Variants in UBE2D1 observed in about 807,000 individuals in gnomAD.
UBE2D1 encodes the protein ubiquitin-conjugating enzyme E2 D1.
UBE2D1 carries 9 observed loss-of-function variants against 24.6 expected under a neutral mutation model. That is an observed-to-expected ratio of 0.37 (90% CI 0.22 to 0.64). UBE2D1 has a LOEUF of 0.64. Ranked by LOEUF, UBE2D1 falls within the 30% of genes least tolerant of loss-of-function variation. The pLI is 0.64. For missense variants in UBE2D1, 87 were observed against 177.1 expected (o/e 0.49, Z 2.89); for synonymous variants, 57 against 57.6 (o/e 0.99, Z 0.04).
intron 1 of UBE2D1, among the ~76,000 whole-genome samples, chr10:58,353,742 T>C (rs905642861): frequency 2.6e-5 from 4 of 152,216 alleles, no homozygotes; most frequent in African/African-American, 7.2e-5. Context: ...CACCATAGTG[T>C]TTTCAAGTGA....
chr10:58,349,754 G>A (rs894772396), intron 1 of UBE2D1, among the ~76,000 whole-genome samples: 1 of 152,056 alleles, frequency 6.6e-6, no homozygotes, highest in African/African-American at 2.4e-5. Context: ...CCAGCACCCA[G>A]CTCAAGAAAT....
At chr10:58,342,923 G>A (rs370090647) in intron 1 of UBE2D1, among the ~76,000 whole-genome samples, 201 of 150,178 alleles carry the variant, frequency 1.3e-3, no homozygotes, top group African/African-American at 4.6e-3. Flanking sequence ...TCTGCTTCCT[G>A]GGTTCAAGCA....
At chr10:58,368,626 G>A (rs913389541) in intron 6 of UBE2D1, 94 bp from the exon 7 acceptor site, 3 of 740,528 alleles carry the variant, frequency 4.1e-6, no homozygotes, top group East Asian at 6.3e-5. Flanking sequence ...TTGCAATTAA[G>A]TATAAGAAGG....
intron 1 of UBE2D1, among the ~76,000 whole-genome samples, chr10:58,340,764 G>A (rs773008744): frequency 2.0e-5 from 3 of 152,106 alleles, no homozygotes; most frequent in Non-Finnish European, 4.4e-5. Context: ...TTTTTAAAAC[G>A]GGAAGTAGAA....
intron 1 of UBE2D1, among the ~76,000 whole-genome samples, chr10:58,344,018 CTATT>C (rs1489726643): frequency 1.3e-5 from 2 of 151,952 alleles, no homozygotes; most frequent in African/African-American, 2.4e-5. Flanking sequence ...TGTGAAAATT[CTATT>C]TATTTAAGTT....
At chr10:58,353,452 C>T (rs1269073593) in intron 1 of UBE2D1, among the ~76,000 whole-genome samples, 1 of 152,146 alleles carries the variant, frequency 6.6e-6, no homozygotes, top group African/African-American at 2.4e-5. Context: ...CAGCTCAGCA[C>T]AAACCCCTAA....
chr10:58,359,881 A>T (rs970330933), intron 1 of UBE2D1, among the ~76,000 whole-genome samples: 9 of 152,192 alleles, frequency 5.9e-5, no homozygotes, highest in African/African-American at 2.2e-4. Context: ...CCTGTGATAG[A>T]TAGGCCCTTC....
At chr10:58,363,218 C>CA (rs145649174) in intron 3 of UBE2D1, among the ~76,000 whole-genome samples, 1 of 151,410 alleles carries the variant, frequency 6.6e-6, no homozygotes, top group East Asian at 1.9e-4. Flanking sequence ...AACCCTTTTT[C>CA]AAAAAAAATA....
chr10:58,348,944 CT>C (rs1220543475), intron 1 of UBE2D1, among the ~76,000 whole-genome samples: 1 of 152,092 alleles, frequency 6.6e-6, no homozygotes, highest in Admixed American at 6.6e-5. Context: ...GGGATTGTGT[CT>C]AGGTTGGTTT....
At chr10:58,341,790 C>G (rs1161789314) in intron 1 of UBE2D1, among the ~76,000 whole-genome samples, 1 of 152,108 alleles carries the variant, frequency 6.6e-6, no homozygotes, top group Non-Finnish European at 1.5e-5. Flanking sequence ...AGCCATAAAA[C>G]TGAGTTAATG....
At chr10:58,355,055 A>T (rs1251965005) in intron 1 of UBE2D1, among the ~76,000 whole-genome samples, 1 of 152,192 alleles carries the variant, frequency 6.6e-6, no homozygotes, top group Non-Finnish European at 1.5e-5. Flanking sequence ...TTATGCATTA[A>T]TCTGTTAAAA....
intron 1 of UBE2D1, among the ~76,000 whole-genome samples, chr10:58,356,191 A>G (rs1237844394): frequency 6.6e-6 from 1 of 152,212 alleles, no homozygotes; most frequent in Non-Finnish European, 1.5e-5. Context: ...GTATTATAAA[A>G]AATTAAATGG....
Position 58,368,843 on chromosome 10 carries a change from T to G in UBE2D1, c.*78T>G, listed in dbSNP as rs1046997984. 5.2e-5 allele frequency: 48 copies of G among 917,814 alleles called. No homozygotes were observed. Among genetic ancestry groups the G allele is most frequent in the Non-Finnish European group, 7.5e-5 (46 of 614,638 alleles). The allele number at this position is 917,814 out of a possible 1,614,324, so 56.9% of individuals were successfully genotyped here. A position where few individuals can be genotyped will look rare whatever the true frequency, so the allele number is the denominator to read the frequency against. ...TCAACATTAGCAGTAAATTGAGCACTGTTTACTGTTTCATTGTACCATGAA... is the reference window on the plus strand; with the variant it reads ...TCAACATTAGCAGTAAATTGAGCACGGTTTACTGTTTCATTGTACCATGAA... On this transcript the variant is annotated 3_prime_UTR_variant, in exon 7 of 7. Coordinates refer to ENST00000373910, the MANE Select transcript of UBE2D1 (RefSeq NM_003338.5).
intron 4 of UBE2D1, 123 bp downstream of exon 4, chr10:58,363,809 A>T: frequency 1.6e-6 from 1 of 629,756 alleles, no homozygotes; most frequent in Non-Finnish European, 2.5e-6. Flanking sequence ...TAGCATTTTC[A>T]AACTGTTTTG....
chr10:58,351,856 T>C (rs188801989), intron 1 of UBE2D1, among the ~76,000 whole-genome samples: 181 of 152,340 alleles, frequency 1.2e-3, no homozygotes, highest in Non-Finnish European at 1.7e-3. Context: ...TGCAGTGCGA[T>C]GTTAGGATGG....
At chr10:58,353,067 T>A (rs1394937164) in intron 1 of UBE2D1, among the ~76,000 whole-genome samples, 1 of 152,214 alleles carries the variant, frequency 6.6e-6, no homozygotes, top group Non-Finnish European at 1.5e-5. Flanking sequence ...TTAAGCTACA[T>A]CTTGTAAAAA....
chr10:58,352,642 TA>T lies in UBE2D1; in HGVS notation c.25-8695del, dbSNP rs371546275. ...CCCCAGCAATCTACCATTTCACAAA[TA>T]GGGGTACTAAAGTGTGCCCCAAGTT... On this transcript the variant is annotated intron_variant, in intron 1 of 6. Coordinates refer to ENST00000373910, the MANE Select transcript of UBE2D1 (RefSeq NM_003338.5). Among the ~76,000 whole-genome samples, 789 of 152,172 alleles carry T rather than the reference TA, an allele frequency of 5.2e-3. 3 individuals are homozygous for T. Among genetic ancestry groups the T allele is most frequent in the Non-Finnish European group, 8.6e-3 (584 of 67,994 alleles).
At chr10:58,335,902 A>T (rs1372286505) in intron 1 of UBE2D1, among the ~76,000 whole-genome samples, 1 of 152,220 alleles carries the variant, frequency 6.6e-6, no homozygotes, top group Non-Finnish European at 1.5e-5. Flanking sequence ...CCTGGCTGTG[A>T]TTCACGGTGA....
chr10:58,350,965 G>A (rs1840069597), intron 1 of UBE2D1, among the ~76,000 whole-genome samples: 3 of 152,174 alleles, frequency 2.0e-5, no homozygotes, highest in Non-Finnish European at 4.4e-5. Context: ...AACACAGTGG[G>A]AAATATTTGT....
Sources: allele counts gnomAD v4.1 joint callset (sites outside exome capture counted in the v4.1 genomes callset), GRCh38; gene constraint gnomAD v4.1.1; transcripts MANE v1.5; gene names NCBI Gene and HGNC (gene_info 2026-07-23, HGNC 2026-07-21).